Variants in LRRFIP2 observed in about 807,000 individuals in gnomAD.
The protein encoded by LRRFIP2 is leucine-rich repeat flightless-interacting protein 2.
A neutral mutation model predicts 125.9 loss-of-function variants in LRRFIP2; 109 were observed. That is an observed-to-expected ratio of 0.87 (90% CI 0.74 to 1.01). The LOEUF (loss-of-function observed/expected upper bound fraction) is 1.01, where lower values mean the gene tolerates loss of function less well. LRRFIP2 is among the 50% of genes least tolerant of loss of function. The pLI, the probability that LRRFIP2 is intolerant of heterozygous loss-of-function variation, is 0.00. For missense variants in LRRFIP2, 850 were observed against 862.3 expected, an observed-to-expected ratio of 0.99 and a Z score of 0.18; for synonymous variants, 291 against 293.1, an observed-to-expected ratio of 0.99 and a Z score of 0.07.
At chr3:37,165,404 A>C in intron 1 of LRRFIP2, among the ~76,000 whole-genome samples, 1 of 111,006 alleles carries the variant, frequency 9.0e-6, no homozygotes. Context: ...ATTGCTTTCC[A>C]CAAAACTGAA....
chr3:37,146,495 G>A (rs1439348744), intron 2 of LRRFIP2, among the ~76,000 whole-genome samples: 1 of 152,128 alleles, frequency 6.6e-6, no homozygotes, highest in Admixed American at 6.5e-5. Flanking sequence ...GCCCCAGTGT[G>A]TGTTGTTCCT....
intron 9 of LRRFIP2, among the ~76,000 whole-genome samples, chr3:37,110,654 G>T (rs149942245): frequency 1.7e-3 from 261 of 152,182 alleles, no homozygotes; most frequent in African/African-American, 5.2e-3. Flanking sequence ...TGGTTAGAGG[G>T]TCAAATAGAT....
chr3:37,098,200 A>C (rs2093821548), intron 15 of LRRFIP2, among the ~76,000 whole-genome samples: 1 of 152,124 alleles, frequency 6.6e-6, no homozygotes, highest in African/African-American at 2.4e-5. Context: ...AACTCTGAAA[A>C]AGAAACTAAT....
At chr3:37,176,033 C>G (rs1359608473), upstream of LRRFIP2, 1 of 152,220 alleles carries the variant, frequency 6.6e-6, no homozygotes, top group Admixed American at 6.5e-5. Context: ...CTGCTCCCAC[C>G]GGGCTGGCGG....
chr3:37,138,586 C>T (rs938231807), intron 2 of LRRFIP2, among the ~76,000 whole-genome samples: 2 of 152,162 alleles, frequency 1.3e-5, no homozygotes, highest in East Asian at 1.9e-4. Flanking sequence ...CAAGTCCCCC[C>T]GGAGATGCCT....
chr3:37,160,241 C>T (rs1278430696), intron 1 of LRRFIP2, among the ~76,000 whole-genome samples: 1 of 151,992 alleles, frequency 6.6e-6, no homozygotes, highest in Admixed American at 6.6e-5. Context: ...GGGACTGCTT[C>T]AGCCCCCTTT....
chr3:37,141,123 C>T (rs2149878837), intron 2 of LRRFIP2, among the ~76,000 whole-genome samples: 1 of 152,272 alleles, frequency 6.6e-6, no homozygotes, highest in Middle Eastern at 3.4e-3. Flanking sequence ...TGCACTATAG[C>T]CTGGGCAACA....
At chr3:37,127,342 A>T (rs1486860089) in intron 4 of LRRFIP2, among the ~76,000 whole-genome samples, 5 of 152,088 alleles carry the variant, frequency 3.3e-5, no homozygotes, top group Non-Finnish European at 7.4e-5. Flanking sequence ...GGGAGAGAGA[A>T]GGGGGGAAGA....
intron 19 of LRRFIP2, among the ~76,000 whole-genome samples, chr3:37,081,017 C>T (rs2092596119): frequency 6.6e-6 from 1 of 152,182 alleles, no homozygotes; most frequent in South Asian, 2.1e-4. Context: ...GGCAAAGTGG[C>T]TCATGCCTGT....
chr3:37,055,136 T>C lies in LRRFIP2; in HGVS notation c.1900A>G (p.Lys634Glu). Residue 634 changes from lysine (K) to glutamate (E), a missense_variant, in exon 26 of 28, where the codon AAA (lysine) becomes GAA (glutamate). By Grantham distance (56) the Lys-to-Glu change is moderately conservative (BLOSUM62 1). Coordinates refer to ENST00000336686, the MANE Select transcript of LRRFIP2 (RefSeq NM_006309.4). ...TGTTCTGCTTTTGAAAGCTTAAATT[T>C]GTATTCGCTAATTTGTCTATTGGCA... ...RDANRQISEYKFKLSKAEQDI... is the reference protein window; with the variant it reads ...RDANRQISEYEFKLSKAEQDI... 6.3e-7 allele frequency: 1 copy of C among 1,594,582 alleles called. No individual in the cohort carries two copies. The highest frequency in any genetic ancestry group is 8.5e-7 in the Non-Finnish European group (1 of 1,173,676).
At chr3:37,165,737 CA>C (rs1236231429) in intron 1 of LRRFIP2, among the ~76,000 whole-genome samples, 1 of 140,834 alleles carries the variant, frequency 7.1e-6, no homozygotes, top group Non-Finnish European at 1.5e-5. Context: ...GCCCGGGCAA[CA>C]AGAGAGAAAC....
At chr3:37,110,363 CCAAT>C (rs1323961058) in intron 9 of LRRFIP2, among the ~76,000 whole-genome samples, 1 of 152,022 alleles carries the variant, frequency 6.6e-6, no homozygotes, top group Admixed American at 6.6e-5. Context: ...TTCACCAAAC[CCAAT>C]CAGAGATGAA....
chr3:37,089,863 A>G (rs2093325514), intron 18 of LRRFIP2, among the ~76,000 whole-genome samples: 2 of 152,240 alleles, frequency 1.3e-5, no homozygotes, highest in African/African-American at 2.4e-5. Context: ...AAGAGAGATT[A>G]AATCCTGAAG....
chr3:37,108,593 C>T (rs781161177), intron 12 of LRRFIP2, 44 bp downstream of exon 12: 1 of 1,496,040 alleles, frequency 6.7e-7, no homozygotes, highest in East Asian at 2.3e-5. Context: ...CTGTGCCCAC[C>T]CACATTTCCC....
At chr3:37,128,654 T>C (rs1435755507) in intron 3 of LRRFIP2, among the ~76,000 whole-genome samples, 3 of 152,190 alleles carry the variant, frequency 2.0e-5, no homozygotes, top group Non-Finnish European at 2.9e-5. Flanking sequence ...CTCATATTCT[T>C]ACATATTTTC....
rs1197320356 is a variant in LRRFIP2 at position 37,054,451 on chromosome 3, T to C, written c.2015A>G (p.Glu672Gly). Reference protein sequence around the residue: ...KTAAENAEKVEDELKAEKRKL... With the variant: ...KTAAENAEKVGDELKAEKRKL... ...CCGTTTTTCTGCTTTCAATTCATCT[T>C]CAACTTTCTCAGCATTCTCAGCAGC... Residue 672 changes from glutamate (E) to glycine (G), a missense_variant, in exon 27 of 28, where the codon GAA (glutamate) becomes GGA (glycine). Glu to Gly is a moderately conservative substitution (Grantham distance 98, BLOSUM62 -2). Coordinates refer to ENST00000336686, the MANE Select transcript of LRRFIP2 (RefSeq NM_006309.4). 3 of 1,613,962 alleles carry C rather than the reference T, an allele frequency of 1.9e-6. No individual in the cohort carries two copies. The highest frequency in any genetic ancestry group is 1.3e-5 in the African/African-American group (1 of 74,944).
At chr3:37,168,822 G>A (rs570871298) in intron 1 of LRRFIP2, among the ~76,000 whole-genome samples, 4 of 152,258 alleles carry the variant, frequency 2.6e-5, no homozygotes, top group South Asian at 4.1e-4. Flanking sequence ...AGGCTGGAAC[G>A]CAGTGCCTAT....
At chr3:37,066,044 G>T in intron 22 of LRRFIP2, 102 bp from the exon 23 acceptor site, 1 of 1,496,170 alleles carries the variant, frequency 6.7e-7, no homozygotes. Context: ...GGTAAAACCT[G>T]GTTAGAATCA....
intron 1 of LRRFIP2, among the ~76,000 whole-genome samples, chr3:37,153,427 C>G (rs1005486673): frequency 6.6e-6 from 1 of 151,844 alleles, no homozygotes; most frequent in Non-Finnish European, 1.5e-5. Context: ...CAATCTAAGG[C>G]TCAAAAAATA....
Sources: gnomAD v4.1 joint callset for allele counts (sites outside exome capture counted in the v4.1 genomes callset) on GRCh38, gnomAD v4.1.1 for gene constraint, MANE v1.5 for transcripts, NCBI Gene and HGNC (gene_info 2026-07-23, HGNC 2026-07-21) for gene names.